FBXL7: variants seen among roughly 807,000 people sequenced by gnomAD.
FBXL7 encodes the protein F-box/LRR-repeat protein 7.
Under a neutral mutation model 38.3 loss-of-function variants are expected in FBXL7, and 12 were observed. That is an observed-to-expected ratio of 0.31 (90% confidence interval 0.20 to 0.51). The LOEUF is 0.51. Among genes scored for constraint, FBXL7 ranks in the 20% least tolerant of loss-of-function variants. The probability of loss-of-function intolerance (pLI) is 0.98; values close to 1 mark genes in which losing one functional copy is unlikely to be tolerated. For synonymous variants in FBXL7, 297 were observed against 300.9 expected, an observed-to-expected ratio of 0.99 and a Z score of 0.13; for missense variants, 567 against 676.4, an observed-to-expected ratio of 0.84 and a Z score of 1.79.
intron 2 of FBXL7, among the ~76,000 whole-genome samples, chr5:15,624,651 C>T (rs915690965): frequency 2.0e-5 from 3 of 152,154 alleles, no homozygotes; most frequent in East Asian, 1.9e-4. Context: ...ACATCATTTT[C>T]GAGCTGTTGT....
At chr5:15,673,304 G>A (rs373642844) in intron 2 of FBXL7, among the ~76,000 whole-genome samples, 13 of 151,622 alleles carry the variant, frequency 8.6e-5, no homozygotes, top group African/African-American at 2.4e-4. Context: ...TGACAAGAGC[G>A]AGACTCCATC....
At chr5:15,586,881 C>T (rs890214139) in intron 1 of FBXL7, among the ~76,000 whole-genome samples, 1 of 152,164 alleles carries the variant, frequency 6.6e-6, no homozygotes. Context: ...ATCTGGTTAA[C>T]GTTTACACCT....
chr5:15,926,965 C>T (rs1165736580), intron 2 of FBXL7, among the ~76,000 whole-genome samples: 6 of 151,594 alleles, frequency 4.0e-5, no homozygotes, highest in Admixed American at 1.3e-4. Flanking sequence ...CATAATCACC[C>T]ATCTAACCAA....
chr5:15,896,399 A>C (rs1393090912), intron 2 of FBXL7, among the ~76,000 whole-genome samples: 1 of 152,244 alleles, frequency 6.6e-6, no homozygotes, highest in African/African-American at 2.4e-5. Context: ...CAAATGAATA[A>C]GCCATCAGAA....
chr5:15,755,140 G>A (rs1201794908), intron 2 of FBXL7, among the ~76,000 whole-genome samples: 3 of 152,084 alleles, frequency 2.0e-5, no homozygotes, highest in Admixed American at 6.5e-5. Context: ...TTGTATACTA[G>A]ACCATTGCCT....
intron 2 of FBXL7, among the ~76,000 whole-genome samples, chr5:15,634,246 G>A (rs1214626747): frequency 6.6e-6 from 1 of 151,380 alleles, no homozygotes; most frequent in Non-Finnish European, 1.5e-5. Flanking sequence ...TGGGATGGGA[G>A]GAAAAGTTCT....
intron 2 of FBXL7, among the ~76,000 whole-genome samples, chr5:15,868,880 G>A (rs1505030): frequency 6.6e-6 from 1 of 152,012 alleles, no homozygotes; most frequent in East Asian, 1.9e-4. Flanking sequence ...CGTAGTACTT[G>A]CCACTAGAGT....
chr5:15,819,256 GGGA>G (rs1738104830), intron 2 of FBXL7, among the ~76,000 whole-genome samples: 4 of 152,044 alleles, frequency 2.6e-5, no homozygotes, highest in African/African-American at 9.7e-5. Flanking sequence ...TTTGCTCTCA[GGGA>G]TCCTGTAAGA....
chr5:15,791,086 ATTGCATGTAT>A, intron 2 of FBXL7, among the ~76,000 whole-genome samples: 1 of 141,782 alleles, frequency 7.1e-6, no homozygotes, highest in South Asian at 2.2e-4. Context: ...GGGGGGGGTT[ATTGCATGTAT>A]CTAAGCCTTA....
chr5:15,642,126 C>T (rs1470165703), intron 2 of FBXL7, among the ~76,000 whole-genome samples: 2 of 152,082 alleles, frequency 1.3e-5, no homozygotes, highest in South Asian at 2.1e-4. Flanking sequence ...AGTGAAAACA[C>T]TTGGTATTTT....
intron 1 of FBXL7, among the ~76,000 whole-genome samples, chr5:15,534,713 A>C (rs1315197240): frequency 1.3e-5 from 2 of 152,312 alleles, no homozygotes; most frequent in East Asian, 3.9e-4. Flanking sequence ...ATTAGAGTTT[A>C]CTTAGTTTTG....
chr5:15,644,723 T>C (rs1163505179), intron 2 of FBXL7, among the ~76,000 whole-genome samples: 2 of 152,210 alleles, frequency 1.3e-5, no homozygotes, highest in Non-Finnish European at 2.9e-5. Context: ...CATTACATGC[T>C]ATCATTGAGG....
chr5:15,855,570 G>T (rs1739231150), intron 2 of FBXL7, among the ~76,000 whole-genome samples: 1 of 152,070 alleles, frequency 6.6e-6, no homozygotes, highest in Non-Finnish European at 1.5e-5. Flanking sequence ...TAAGGTAAAA[G>T]TTATCACAAA....
intron 2 of FBXL7, among the ~76,000 whole-genome samples, chr5:15,800,093 A>G (rs1737522618): frequency 6.6e-6 from 1 of 152,202 alleles, no homozygotes; most frequent in Admixed American, 6.5e-5. Context: ...ATTTTTGTAG[A>G]TTCCTTGAAA....
At chr5:15,888,463 A>G (rs1164702511) in intron 2 of FBXL7, among the ~76,000 whole-genome samples, 1 of 152,030 alleles carries the variant, frequency 6.6e-6, no homozygotes, top group Non-Finnish European at 1.5e-5. Context: ...TCCTGACCTC[A>G]AGTGATCTGC....
intron 2 of FBXL7, among the ~76,000 whole-genome samples, chr5:15,812,231 A>G (rs1271673401): frequency 2.0e-5 from 3 of 152,140 alleles, no homozygotes; most frequent in Non-Finnish European, 4.4e-5. Flanking sequence ...GCAAACTAAC[A>G]TAGGAACAAA....
chr5:15,655,364 C>T (rs187180600), intron 2 of FBXL7, among the ~76,000 whole-genome samples: 1 of 151,924 alleles, frequency 6.6e-6, no homozygotes, highest in African/African-American at 2.4e-5. Flanking sequence ...TGCATGGTGG[C>T]ACACACTTGT....
chr5:15,638,123 C>A (rs1276512675), intron 2 of FBXL7, among the ~76,000 whole-genome samples: 1 of 152,120 alleles, frequency 6.6e-6, no homozygotes, highest in Non-Finnish European at 1.5e-5. Flanking sequence ...ATGACAAAGG[C>A]AAAGGAAGGA....
At chr5:15,599,799 T>A (rs1164389856) in intron 1 of FBXL7, among the ~76,000 whole-genome samples, 6 of 152,176 alleles carry the variant, frequency 3.9e-5, no homozygotes, top group Non-Finnish European at 7.3e-5. Context: ...ACTTGTTTGT[T>A]ATGTCAGCTG....
Sources: gnomAD v4.1 joint callset for allele counts (sites outside exome capture counted in the v4.1 genomes callset) on GRCh38, gnomAD v4.1.1 for gene constraint, MANE v1.5 for transcripts, NCBI Gene and HGNC (gene_info 2026-07-23, HGNC 2026-07-21) for gene names.